The following CDH20 variants were observed in gnomAD, a reference collection of about 807,000 sequenced individuals.
CDH20 encodes cadherin 20, also known as cadherin-20.
A neutral mutation model predicts 74.2 loss-of-function variants in CDH20; 29 were observed. The observed-to-expected ratio is 0.39, with a 90% CI of 0.29 to 0.53. The LOEUF is 0.53. Among genes scored for constraint, CDH20 ranks in the 20% least tolerant of loss-of-function variants. The pLI, the probability that CDH20 is intolerant of heterozygous loss-of-function variation, is 0.69. For synonymous variants in CDH20, 469 were observed against 405.4 expected (o/e 1.16, Z -1.88); for missense variants, 988 against 1,048.3 (o/e 0.94, Z 0.79).
At chr18:61,339,251 T>C (rs1474202726) in intron 1 of CDH20, among the ~76,000 whole-genome samples, 1 of 152,124 alleles carries the variant, frequency 6.6e-6, no homozygotes, top group East Asian at 1.9e-4. Flanking sequence ...AAAAGTGGTA[T>C]TATCTCTGAA....
At chr18:61,455,405 G>T (rs1371514532) in intron 1 of CDH20, among the ~76,000 whole-genome samples, 1 of 152,152 alleles carries the variant, frequency 6.6e-6, no homozygotes, top group Non-Finnish European at 1.5e-5. Context: ...AGATTCCGGA[G>T]CCATTAATGA....
chr18:61,492,595 G>A lies in CDH20; in HGVS notation c.246+1796G>A, dbSNP rs113306410. 4.0e-3 allele frequency among the ~76,000 whole-genome samples: 613 copies of A among 152,124 alleles called. 5 individuals carry two copies. Among genetic ancestry groups the A allele is most frequent in the African/African-American group, 0.014 (571 of 41,468 alleles). Reference sequence around the variant, plus strand: ...CCATGCTACTCTCTCCCTCATTCTCGCGTTGCAGCGGTATGACCTTTGACA... The same window carrying A: ...CCATGCTACTCTCTCCCTCATTCTCACGTTGCAGCGGTATGACCTTTGACA... On this transcript the variant is annotated intron_variant, in intron 2 of 11. Coordinates refer to ENST00000262717, the MANE Select transcript of CDH20 (RefSeq NM_031891.4).
intron 1 of CDH20, among the ~76,000 whole-genome samples, chr18:61,446,953 T>G (rs973911326): frequency 1.3e-5 from 2 of 152,190 alleles, no homozygotes; most frequent in African/African-American, 4.8e-5. Context: ...GCCATGAGAT[T>G]TAGATGAGAA....
chr18:61,477,283 A>G (rs1034693170), intron 1 of CDH20, among the ~76,000 whole-genome samples: 1 of 152,142 alleles, frequency 6.6e-6, no homozygotes, highest in Admixed American at 6.6e-5. Context: ...CTGATAAACA[A>G]CACCTTCTAC....
At chr18:61,337,155 C>A (rs1437570756) in intron 1 of CDH20, among the ~76,000 whole-genome samples, 1 of 152,128 alleles carries the variant, frequency 6.6e-6, no homozygotes, top group African/African-American at 2.4e-5. Flanking sequence ...CTTTTACATT[C>A]ATTTGTTTTA....
At chr18:61,347,350 A>G (rs986027025) in intron 1 of CDH20, among the ~76,000 whole-genome samples, 5 of 139,856 alleles carry the variant, frequency 3.6e-5, no homozygotes, top group Admixed American at 2.8e-4. Context: ...ACACACACAC[A>G]CATATATATA....
chr18:61,383,280 A>AT (rs1646091294), intron 1 of CDH20, among the ~76,000 whole-genome samples: 1 of 152,204 alleles, frequency 6.6e-6, no homozygotes, highest in African/African-American at 2.4e-5. Context: ...AATTAGTTCA[A>AT]TAAAAAATGT....
At chr18:61,499,527 T>TAG (rs753631465) in intron 3 of CDH20, 47 bp downstream of exon 3, 16 of 1,209,726 alleles carry the variant, frequency 1.3e-5, no homozygotes, top group Non-Finnish European at 1.6e-5. Flanking sequence ...CTCCTATATA[T>TAG]ATACACACAC....
intron 1 of CDH20, among the ~76,000 whole-genome samples, chr18:61,354,930 A>G (rs1177857021): frequency 1.3e-5 from 2 of 152,204 alleles, no homozygotes; most frequent in African/African-American, 4.8e-5. Flanking sequence ...TGTCATTCAA[A>G]TGGGTACACT....
intron 1 of CDH20, among the ~76,000 whole-genome samples, chr18:61,408,678 T>C (rs1454173733): frequency 6.6e-6 from 1 of 152,106 alleles, no homozygotes; most frequent in Non-Finnish European, 1.5e-5. Flanking sequence ...CTTTTCCTCC[T>C]CTCACCCCAT....
intron 6 of CDH20, among the ~76,000 whole-genome samples, chr18:61,509,729 GAAA>G (rs1911711788): frequency 2.0e-5 from 3 of 152,014 alleles, no homozygotes; most frequent in Non-Finnish European, 4.4e-5. Context: ...AGTTTAAGGA[GAAA>G]AGGACAGAAA....
intron 1 of CDH20, among the ~76,000 whole-genome samples, chr18:61,458,894 T>G (rs750055034): frequency 9.9e-5 from 15 of 152,232 alleles, no homozygotes; most frequent in Non-Finnish European, 1.5e-4. Context: ...TGGAGTTGGC[T>G]TGTTGATTTC....
At chr18:61,490,903 T>A in intron 2 of CDH20, 104 bp downstream of exon 2, 1 of 1,260,290 alleles carries the variant, frequency 7.9e-7, no homozygotes, top group Non-Finnish European at 1.1e-6. Context: ...TGAGAAAAAC[T>A]AGAACAAGTG....
chr18:61,518,450 C>G (rs1373198254), intron 6 of CDH20, among the ~76,000 whole-genome samples: 1 of 151,702 alleles, frequency 6.6e-6, no homozygotes, highest in Non-Finnish European at 1.5e-5. Flanking sequence ...TGTTCTGCAG[C>G]CTCCGCTGGT....
chr18:61,396,708 C>G (rs1911992728), intron 1 of CDH20, among the ~76,000 whole-genome samples: 1 of 152,216 alleles, frequency 6.6e-6, no homozygotes, highest in Non-Finnish European at 1.5e-5. Context: ...CATAAATGCA[C>G]ATGTGCAAGA....
At chr18:61,438,168 C>T (rs1908898512) in intron 1 of CDH20, among the ~76,000 whole-genome samples, 1 of 152,150 alleles carries the variant, frequency 6.6e-6, no homozygotes, top group Non-Finnish European at 1.5e-5. Context: ...ACTTCCTACT[C>T]TACATTAGCT....
At chr18:61,351,217 G>C (rs1263448961) in intron 1 of CDH20, among the ~76,000 whole-genome samples, 3 of 152,106 alleles carry the variant, frequency 2.0e-5, no homozygotes, top group Non-Finnish European at 4.4e-5. Context: ...TACCGAGTAA[G>C]ACCATCTGGA....
At chr18:61,347,313 TATATATACAC>T (rs1303975203) in intron 1 of CDH20, among the ~76,000 whole-genome samples, 37 of 75,450 alleles carry the variant, frequency 4.9e-4, no homozygotes, top group Middle Eastern at 5.3e-3. Flanking sequence ...TATATATATA[TATATATACAC>T]ACACACACAC....
chr18:61,347,437 T>G (rs2144104920), intron 1 of CDH20, among the ~76,000 whole-genome samples: 1 of 149,422 alleles, frequency 6.7e-6, no homozygotes, highest in East Asian at 2.0e-4. Flanking sequence ...TGAGAATCAC[T>G]TGAACTTGGG....
Sources: gnomAD v4.1 joint callset for allele counts (sites outside exome capture counted in the v4.1 genomes callset) on GRCh38, gnomAD v4.1.1 for gene constraint, MANE v1.5 for transcripts, NCBI Gene and HGNC (gene_info 2026-07-23, HGNC 2026-07-21) for gene names.